Variants in CSMD1 observed in about 807,000 individuals in gnomAD.
The protein encoded by CSMD1 is CUB and Sushi multiple domains 1.
In CSMD1, 213 loss-of-function variants were observed where a neutral mutation model predicts 417.5. That is an observed-to-expected ratio of 0.51 (90% confidence interval 0.46 to 0.57). The LOEUF (loss-of-function observed/expected upper bound fraction) is 0.57. CSMD1 is among the 20% of genes least tolerant of loss of function. The pLI, the probability that CSMD1 is intolerant of heterozygous loss-of-function variation, is 0.00. For missense variants in CSMD1, 6,923 were observed against 4,529.7 expected, an observed-to-expected ratio of 1.53 and a Z score of -15.17; for synonymous variants, 2,862 against 1,736.8, an observed-to-expected ratio of 1.65 and a Z score of -16.11.
chr8:3,525,806 A>C (rs140054535), intron 10 of CSMD1, among the ~76,000 whole-genome samples: 344 of 152,258 alleles, frequency 2.3e-3, no homozygotes, highest in African/African-American at 8.0e-3. Flanking sequence ...GTTGCTTACC[A>C]CTAAGTTGAC....
intron 2 of CSMD1, among the ~76,000 whole-genome samples, chr8:4,621,527 C>T (rs1159570831): frequency 6.6e-6 from 1 of 152,014 alleles, no homozygotes; most frequent in African/African-American, 2.4e-5. Context: ...CTATACAGCC[C>T]TAAATCTAGA....
rs115099629 is a variant in CSMD1 at position 4,648,838 on chromosome 8, T to C, written c.86-11280A>G. 2.9e-3 allele frequency among the ~76,000 whole-genome samples: 447 copies of C among 152,240 alleles called. 3 individuals carry two copies. Among genetic ancestry groups the C allele is most frequent in the African/African-American group, 0.01 (427 of 41,548 alleles). ...TGTCTGGTAAAATGTGTGTTTATAGTTGGTCGGGAAGTATGCACACCCACC... is the reference window on the plus strand; with the variant it reads ...TGTCTGGTAAAATGTGTGTTTATAGCTGGTCGGGAAGTATGCACACCCACC... On this transcript the variant is annotated intron_variant, in intron 1 of 69. Transcript: ENST00000635120.
At position 3,324,180 on chromosome 8, in the gene CSMD1, C is replaced by T. The variant is rs957348298; in HGVS notation, c.3632-15677G>A. ...GACTCGGGAGGGGGAGTTTCCTTCACCCCACCTTTCATTGTTGTTAAAATA... is the reference window on the plus strand; with the variant it reads ...GACTCGGGAGGGGGAGTTTCCTTCATCCCACCTTTCATTGTTGTTAAAATA... On this transcript the variant is annotated intron_variant, in intron 23 of 69. Transcript: ENST00000635120. 3.3e-5 allele frequency among the ~76,000 whole-genome samples: 4 copies of T among 121,352 alleles called. 1 individual carries two copies. Among genetic ancestry groups the T allele is most frequent in the African/African-American group, 1.1e-4 (3 of 27,636 alleles). The allele number at this position is 121,352 out of a possible 152,430, so 79.6% of individuals were successfully genotyped here.
At chr8:3,891,900 A>G (rs778828610) in intron 5 of CSMD1, among the ~76,000 whole-genome samples, 3 of 152,126 alleles carry the variant, frequency 2.0e-5, no homozygotes, top group Non-Finnish European at 4.4e-5. Context: ...TGTCCACATG[A>G]TTTACAAAAT....
At chr8:4,623,882 T>C (rs1479010334) in intron 2 of CSMD1, among the ~76,000 whole-genome samples, 1 of 152,096 alleles carries the variant, frequency 6.6e-6, no homozygotes, top group African/African-American at 2.4e-5. Flanking sequence ...AAGAAAAGTT[T>C]TGTGGGTGAT....
At chr8:4,920,126 G>C (rs1405336252) in intron 1 of CSMD1, among the ~76,000 whole-genome samples, 1 of 152,170 alleles carries the variant, frequency 6.6e-6, no homozygotes, top group Non-Finnish European at 1.5e-5. Context: ...AGGTTATCAT[G>C]AAAATTCCTA....
chr8:4,460,818 G>C (rs1407862905), intron 2 of CSMD1, among the ~76,000 whole-genome samples: 1 of 152,206 alleles, frequency 6.6e-6, no homozygotes, highest in South Asian at 2.1e-4. Context: ...GGCTCAAATG[G>C]CTTCACTGGT....
intron 54 of CSMD1, among the ~76,000 whole-genome samples, chr8:2,984,662 A>G (rs1165887798): frequency 6.6e-6 from 1 of 152,150 alleles, no homozygotes; most frequent in Admixed American, 6.5e-5. Context: ...CTTTTACTTC[A>G]TGAGTGCTGG....
At chr8:4,718,340 C>G (rs568182637) in intron 1 of CSMD1, among the ~76,000 whole-genome samples, 53 of 152,198 alleles carry the variant, frequency 3.5e-4, no homozygotes, top group African/African-American at 7.7e-4. Flanking sequence ...AATCAATTAT[C>G]ACTATTGGTA....
At chr8:3,233,562 G>A (rs1562116) in intron 26 of CSMD1, among the ~76,000 whole-genome samples, 100,103 of 152,138 alleles carry the variant, frequency 0.66, 33,123 homozygotes, top group South Asian at 0.78. Context: ...GTTTTTGCAA[G>A]TTATGTTTAG....
chr8:4,682,319 C>T (rs1034974893), intron 1 of CSMD1, among the ~76,000 whole-genome samples: 2 of 152,306 alleles, frequency 1.3e-5, no homozygotes, highest in Admixed American at 1.3e-4. Flanking sequence ...GCACAAGCCA[C>T]TGTGCTTAGA....
chr8:3,512,801 T>G (rs1563109870), intron 10 of CSMD1, among the ~76,000 whole-genome samples: 1 of 151,938 alleles, frequency 6.6e-6, no homozygotes. Flanking sequence ...AGACAGGGTT[T>G]CACCATGTTG....
At position 3,406,514 on chromosome 8, in the gene CSMD1, G is replaced by A. The variant is rs1373215024; in HGVS notation, c.2072-293C>T. On this transcript the variant is annotated intron_variant, in intron 14 of 69. Transcript: ENST00000635120. ...AGACAAAGAGAGAACTGATATGGTG[G>A]GTGGTAGAAAGTGTCTGGGCTCAAG... is the stretch of plus-strand genomic sequence containing the variant. 6.6e-5 allele frequency among the ~76,000 whole-genome samples: 10 copies of A among 152,212 alleles called. 1 individual carries two copies. The East Asian group carries it at 1.5e-3, about 24-fold the overall frequency.
intron 3 of CSMD1, among the ~76,000 whole-genome samples, chr8:4,046,548 T>C (rs1254686845): frequency 6.6e-6 from 1 of 152,206 alleles, no homozygotes. Context: ...ACTCTGTACA[T>C]AGTATAACTG....
rs180793771 is a variant in CSMD1, at chr8:3,618,760, G to T, written c.1010-1963C>A. Reference sequence around the variant, plus strand: ...GCAAATGCCCAATGAAGAAAAAGATGTTCAAAATAGGACTATATTTCATGA... The same window carrying T: ...GCAAATGCCCAATGAAGAAAAAGATTTTCAAAATAGGACTATATTTCATGA... On this transcript the variant is annotated intron_variant, in intron 7 of 69. Transcript: ENST00000635120. Among the ~76,000 whole-genome samples, 761 of 152,244 alleles carry T rather than the reference G, an allele frequency of 5.0e-3. 4 individuals are homozygous for T. Among genetic ancestry groups the T allele is most frequent in the Admixed American group, 8.2e-3 (126 of 15,278 alleles).
chr8:3,556,377 A>C (rs1435284895), intron 10 of CSMD1, among the ~76,000 whole-genome samples: 1 of 132,536 alleles, frequency 7.5e-6, no homozygotes, highest in Admixed American at 7.8e-5. Flanking sequence ...AAGATTTTTA[A>C]AATTTATAAT....
At chr8:4,462,769 C>G (rs951032207) in intron 2 of CSMD1, among the ~76,000 whole-genome samples, 1 of 152,132 alleles carries the variant, frequency 6.6e-6, no homozygotes, top group African/African-American at 2.4e-5. Flanking sequence ...GCTCAGACAA[C>G]TGAGTATCCA....
chr8:4,686,141 C>G (rs536394625), intron 1 of CSMD1, among the ~76,000 whole-genome samples: 3 of 152,264 alleles, frequency 2.0e-5, no homozygotes, highest in African/African-American at 7.2e-5. Context: ...AAATTATGTG[C>G]TATTCCCTAC....
chr8:4,134,105 G>C (rs1373535778), intron 3 of CSMD1, among the ~76,000 whole-genome samples: 1 of 152,062 alleles, frequency 6.6e-6, no homozygotes, highest in Non-Finnish European at 1.5e-5. Context: ...CATCAATATT[G>C]CTGGTATAAG....
Sources: gnomAD v4.1 joint callset for allele counts (sites outside exome capture counted in the v4.1 genomes callset) on GRCh38, gnomAD v4.1.1 for gene constraint, MANE v1.5 for transcripts, NCBI Gene and HGNC (gene_info 2026-07-23, HGNC 2026-07-21) for gene names.